EXD2: variants seen among roughly 807,000 people sequenced by gnomAD.
EXD2 encodes the protein exonuclease 3'-5' domain-containing protein 2.
EXD2 carries 40 observed loss-of-function variants against 62.5 expected under a neutral mutation model. That is an observed-to-expected ratio of 0.64 (90% confidence interval 0.50 to 0.83). The LOEUF (loss-of-function observed/expected upper bound fraction) is 0.83, where lower values mean the gene tolerates loss of function less well. Ranked by LOEUF, EXD2 falls within the 40% of genes least tolerant of loss-of-function variation. The probability of loss-of-function intolerance (pLI) is 0.00; values close to 1 mark genes in which losing one functional copy is unlikely to be tolerated. For synonymous variants in EXD2, 239 were observed against 291.9 expected, an observed-to-expected ratio of 0.82 and a Z score of 1.85; for missense variants, 671 against 761.8, an observed-to-expected ratio of 0.88 and a Z score of 1.40.
intron 1 of EXD2, among the ~76,000 whole-genome samples, chr14:69,197,255 C>T (rs571655020): frequency 1.3e-5 from 2 of 151,836 alleles, no homozygotes; most frequent in Non-Finnish European, 2.9e-5. Flanking sequence ...AACAGAAATA[C>T]CTATTCAGAT....
chr14:69,203,734 G>C (rs2042489596), intron 1 of EXD2, among the ~76,000 whole-genome samples, 183 bp from the exon 2 acceptor site: 1 of 152,212 alleles, frequency 6.6e-6, no homozygotes, highest in Admixed American at 6.5e-5. Context: ...GGTGGGAGCT[G>C]AACTTGACTC....
intron 5 of EXD2, among the ~76,000 whole-genome samples, chr14:69,233,253 C>G (rs2043648940): frequency 6.6e-6 from 1 of 152,036 alleles, no homozygotes; most frequent in African/African-American, 2.4e-5. Flanking sequence ...AAAATTTTAT[C>G]CAAACTTGTT....
chr14:69,216,450 T>A (rs1460974235), intron 3 of EXD2, among the ~76,000 whole-genome samples: 1 of 152,302 alleles, frequency 6.6e-6, no homozygotes, highest in East Asian at 1.9e-4. Flanking sequence ...TTTTTTGTGA[T>A]GGAGTCTCAC....
chr14:69,215,671 C>T (rs548826811), intron 3 of EXD2, among the ~76,000 whole-genome samples: 2 of 152,140 alleles, frequency 1.3e-5, no homozygotes, highest in Non-Finnish European at 1.5e-5. Context: ...AAATTTTATC[C>T]ATTCTGTTGG....
At chr14:69,213,696 CAG>C (rs1192350988) in intron 3 of EXD2, among the ~76,000 whole-genome samples, 3 of 148,534 alleles carry the variant, frequency 2.0e-5, no homozygotes, top group Non-Finnish European at 4.5e-5. Flanking sequence ...TTTTTTGAGA[CAG>C]AGTCTCCAAG....
chr14:69,212,573 G>A (rs910187612), intron 3 of EXD2, among the ~76,000 whole-genome samples: 2 of 151,250 alleles, frequency 1.3e-5, no homozygotes, highest in East Asian at 3.9e-4. Flanking sequence ...CTGGAATGCA[G>A]TGGTACTTAT....
At chr14:69,199,060 A>G (rs928826051) in intron 1 of EXD2, among the ~76,000 whole-genome samples, 2 of 152,256 alleles carry the variant, frequency 1.3e-5, no homozygotes, top group African/African-American at 2.4e-5. Flanking sequence ...CCTGGCCAAC[A>G]TGGTGAAACC....
At chr14:69,231,098 A>G (rs765589129) in intron 5 of EXD2, among the ~76,000 whole-genome samples, 10 of 151,928 alleles carry the variant, frequency 6.6e-5, no homozygotes, top group African/African-American at 1.9e-4. Flanking sequence ...AGCATTTACT[A>G]TATGTTGGGC....
At chr14:69,196,150 G>T (rs2042196859) in intron 1 of EXD2, 1 of 152,228 alleles carries the variant, frequency 6.6e-6, no homozygotes, top group Non-Finnish European at 1.5e-5. Flanking sequence ...TTCCCTGTGT[G>T]TCTGTCTGCA....
rs181595697 is a variant in EXD2, at chr14:69,217,411, G to A, written c.333+7608G>A. On this transcript the variant is annotated intron_variant, in intron 3 of 9. Transcript: ENST00000685843. ...GGGCTCATGCAGTATTTATCTTTCT[G>A]TGCCTGGCTTATTTCACTTAACATA... 4.7e-3 allele frequency among the ~76,000 whole-genome samples: 712 copies of A among 152,136 alleles called. 5 individuals are homozygous for A. The highest frequency in any genetic ancestry group is 7.8e-3 in the Non-Finnish European group (529 of 68,008).
intron 2 of EXD2, chr14:69,208,923 A>G (rs1239043405): frequency 6.6e-6 from 1 of 152,284 alleles, no homozygotes; most frequent in East Asian, 1.9e-4. Flanking sequence ...CTTCCAGAGA[A>G]GTAAAAAAAG....
chr14:69,192,647 T>G (rs77535607), intron 1 of EXD2, among the ~76,000 whole-genome samples: 2,551 of 152,336 alleles, frequency 0.017, 63 homozygotes, highest in African/African-American at 0.054. Context: ...TTGTGTGTAT[T>G]TTTCTTTGCA....
At chr14:69,231,401 C>T (rs2043574750) in intron 5 of EXD2, among the ~76,000 whole-genome samples, 1 of 152,128 alleles carries the variant, frequency 6.6e-6, no homozygotes, top group Admixed American at 6.5e-5. Flanking sequence ...ACTCTTGCAG[C>T]TCCCCTGTCC....
chr14:69,225,847 T>C (rs1267506406), intron 3 of EXD2, among the ~76,000 whole-genome samples: 1 of 152,216 alleles, frequency 6.6e-6, no homozygotes, highest in East Asian at 1.9e-4. Context: ...ATATATTCAA[T>C]ATAAGTTATG....
In EXD2 at chr14:69,241,149, T is replaced by A. The variant is rs2043973460; in HGVS notation, c.*49T>A. Reference sequence around the variant, plus strand: ...ACAAGTGGGAAGCTGGAGCCAAGGTTGAAGAGTCACCTCTTCCCATTTTAG... The same window carrying A: ...ACAAGTGGGAAGCTGGAGCCAAGGTAGAAGAGTCACCTCTTCCCATTTTAG... On this transcript the variant is annotated 3_prime_UTR_variant, in exon 10 of 10. Transcript: ENST00000685843. 2 of 1,521,926 alleles carry A rather than the reference T, an allele frequency of 1.3e-6. No homozygotes were observed. The highest frequency in any genetic ancestry group is 4.5e-5 in the East Asian group (2 of 44,064). 94.3% of individuals were successfully genotyped at this position (1,521,926 alleles called of 1,614,324 possible). A position where few individuals can be genotyped will look rare whatever the true frequency, so the allele number is the denominator to read the frequency against.
intron 3 of EXD2, among the ~76,000 whole-genome samples, chr14:69,215,635 T>A (rs1029749782): frequency 6.6e-6 from 1 of 152,256 alleles, no homozygotes; most frequent in Admixed American, 6.5e-5. Context: ...TACATCCTTG[T>A]CCACATTTGG....
At chr14:69,204,822 C>T (rs1203082884) in intron 2 of EXD2, among the ~76,000 whole-genome samples, 1 of 152,182 alleles carries the variant, frequency 6.6e-6, no homozygotes, top group Non-Finnish European at 1.5e-5. Context: ...ATTTATCATA[C>T]AAATGTTAAC....
chr14:69,230,398 T>C, intron 4 of EXD2, 74 bp from the exon 5 acceptor site: 1 of 972,910 alleles, frequency 1.0e-6, no homozygotes, highest in Non-Finnish European at 1.5e-6. Flanking sequence ...ATTGGCCATT[T>C]ATATGTCTTT....
chr14:69,220,591 C>T (rs1472802513), intron 3 of EXD2, among the ~76,000 whole-genome samples: 1 of 143,484 alleles, frequency 7.0e-6, no homozygotes, highest in Non-Finnish European at 1.5e-5. Flanking sequence ...CAGAGTTGGG[C>T]CGGGTGCAGT....
Sources: gnomAD v4.1 joint callset for allele counts (sites outside exome capture counted in the v4.1 genomes callset) on GRCh38, gnomAD v4.1.1 for gene constraint, MANE v1.5 for transcripts, NCBI Gene and HGNC (gene_info 2026-07-23, HGNC 2026-07-21) for gene names.